GAREM1: variants seen among roughly 807,000 people sequenced by gnomAD.
GAREM1 encodes GRB2 associated regulator of MAPK1 subtype 1, also known as GRB2-associated and regulator of MAPK protein 1.
GAREM1 carries 26 observed loss-of-function variants against 71.3 expected under a neutral mutation model. The ratio of observed to expected loss-of-function variants is 0.36; its 90% CI spans 0.27 to 0.51. GAREM1 has a LOEUF of 0.51. Among genes scored for constraint, GAREM1 ranks in the 20% least tolerant of loss-of-function variants. The pLI is 0.95. For missense variants in GAREM1, 1,026 were observed against 1,103.1 expected (o/e 0.93, Z 0.99); for synonymous variants, 440 against 433.2 (o/e 1.02, Z -0.20).
chr18:32,337,218 C>A (rs2047604886), intron 2 of GAREM1, among the ~76,000 whole-genome samples: 1 of 152,108 alleles, frequency 6.6e-6, no homozygotes, highest in African/African-American at 2.4e-5. Context: ...GGTTATGGCT[C>A]CAGAAGGTTT....
intron 2 of GAREM1, among the ~76,000 whole-genome samples, chr18:32,383,316 T>C (rs531767217): frequency 5.3e-5 from 8 of 152,258 alleles, no homozygotes; most frequent in Non-Finnish European, 8.8e-5. Context: ...ACTACAGAAA[T>C]GGGTCAGGGT....
At chr18:32,382,220 G>T (rs185381573) in intron 2 of GAREM1, among the ~76,000 whole-genome samples, 2 of 152,304 alleles carry the variant, frequency 1.3e-5, no homozygotes, top group South Asian at 2.1e-4. Flanking sequence ...GTGGTGGGAA[G>T]AGTGACAGCA....
In GAREM1 at chr18:32,429,579, A is replaced by G. The variant is rs2048604647; in HGVS notation, c.122-36544T>C. 1.3e-5 allele frequency among the ~76,000 whole-genome samples: 2 copies of G among 152,358 alleles called. 1 individual carries two copies. Among genetic ancestry groups the G allele is most frequent in the African/African-American group, 4.8e-5 (2 of 41,582 alleles). The stretch of plus-strand genomic sequence containing the variant: ...TGCTACCACGATATTTTTGAACTCC[A>G]CAACACAGTACTTCAAATACTAAAA... On this transcript the variant is annotated intron_variant, in intron 1 of 5. Transcript: ENST00000269209.
intron 2 of GAREM1, among the ~76,000 whole-genome samples, chr18:32,376,787 G>A (rs1340916536): frequency 2.0e-5 from 3 of 152,158 alleles, no homozygotes; most frequent in Non-Finnish European, 2.9e-5. Flanking sequence ...GCAATGAGCC[G>A]AGATTGCACC....
intron 1 of GAREM1, among the ~76,000 whole-genome samples, chr18:32,467,618 A>AT (rs1270016519): frequency 6.6e-6 from 1 of 152,200 alleles, no homozygotes; most frequent in Non-Finnish European, 1.5e-5. Context: ...GTGAAATTAG[A>AT]TTTTTTAATG....
intron 1 of GAREM1, among the ~76,000 whole-genome samples, chr18:32,401,322 T>C (rs903250053): frequency 6.6e-6 from 1 of 150,938 alleles, no homozygotes; most frequent in Non-Finnish European, 1.5e-5. Context: ...ACTTAAAGTA[T>C]AAAAATAAAA....
chr18:32,404,792 T>C (rs1037573910), intron 1 of GAREM1, among the ~76,000 whole-genome samples: 1 of 152,246 alleles, frequency 6.6e-6, no homozygotes, highest in Non-Finnish European at 1.5e-5. Context: ...GCCTTGTCTA[T>C]AGTGGACATT....
chr18:32,397,191 C>A, intron 1 of GAREM1, among the ~76,000 whole-genome samples: 1 of 152,156 alleles, frequency 6.6e-6, no homozygotes. Context: ...CCAGCCACTG[C>A]AAAAACATGC....
intron 1 of GAREM1, among the ~76,000 whole-genome samples, chr18:32,457,928 T>C (rs2048912734): frequency 6.6e-6 from 1 of 152,082 alleles, no homozygotes; most frequent in African/African-American, 2.4e-5. Context: ...TTCTTAGTCA[T>C]TACAGTGAAG....
intron 1 of GAREM1, among the ~76,000 whole-genome samples, chr18:32,416,503 T>A (rs756922967): frequency 6.6e-6 from 1 of 152,110 alleles, no homozygotes; most frequent in African/African-American, 2.4e-5. Flanking sequence ...CAAAACAGCA[T>A]GGTACTGGCA....
chr18:32,298,835 G>A (rs2047169287), intron 3 of GAREM1, among the ~76,000 whole-genome samples: 1 of 152,112 alleles, frequency 6.6e-6, no homozygotes, highest in Non-Finnish European at 1.5e-5. Flanking sequence ...ATTATGTTAT[G>A]TCTTCCCAAA....
At chr18:32,369,766 C>A (rs2047959167) in intron 2 of GAREM1, among the ~76,000 whole-genome samples, 1 of 152,182 alleles carries the variant, frequency 6.6e-6, no homozygotes, top group Middle Eastern at 3.2e-3. Flanking sequence ...TACCCTTAGG[C>A]TTCTTAGCAT....
chr18:32,391,190 C>T (rs1235377162), intron 2 of GAREM1, among the ~76,000 whole-genome samples: 1 of 152,184 alleles, frequency 6.6e-6, no homozygotes, highest in Non-Finnish European at 1.5e-5. Context: ...AGGGAGGTAA[C>T]TCCAGCTAGC....
intron 2 of GAREM1, among the ~76,000 whole-genome samples, chr18:32,335,953 T>C (rs996802537): frequency 6.6e-6 from 1 of 152,190 alleles, no homozygotes; most frequent in Non-Finnish European, 1.5e-5. Context: ...CGGAGTGCAC[T>C]GTAAGCAGCG....
At chr18:32,383,861 A>T (rs1487851494) in intron 2 of GAREM1, among the ~76,000 whole-genome samples, 1 of 152,082 alleles carries the variant, frequency 6.6e-6, no homozygotes, top group Admixed American at 6.6e-5. Context: ...AGATTCAGTA[A>T]ATAATTTGCA....
intron 1 of GAREM1, among the ~76,000 whole-genome samples, chr18:32,432,970 C>T (rs1373291102): frequency 6.6e-6 from 1 of 151,906 alleles, no homozygotes; most frequent in East Asian, 1.9e-4. Flanking sequence ...GTTACCAAAA[C>T]CAGACAAAAA....
chr18:32,311,189 A>G (rs561039615), intron 2 of GAREM1, among the ~76,000 whole-genome samples: 55 of 152,338 alleles, frequency 3.6e-4, no homozygotes, highest in Middle Eastern at 6.8e-3. Context: ...TCAGTTTGGA[A>G]TAAAAGACCA....
At chr18:32,295,767 T>C (rs945732831) in intron 3 of GAREM1, among the ~76,000 whole-genome samples, 12 of 152,150 alleles carry the variant, frequency 7.9e-5, no homozygotes, top group Non-Finnish European at 1.8e-4. Context: ...GACAGCACAA[T>C]ATTGTTTTAA....
chr18:32,396,697 G>T (rs1460974903), intron 1 of GAREM1, among the ~76,000 whole-genome samples: 1 of 152,228 alleles, frequency 6.6e-6, no homozygotes, highest in Non-Finnish European at 1.5e-5. Flanking sequence ...ACCTGAAAGT[G>T]ACAGGGAGAA....
Sources: gnomAD v4.1 joint callset for allele counts (sites outside exome capture counted in the v4.1 genomes callset) on GRCh38, gnomAD v4.1.1 for gene constraint, MANE v1.5 for transcripts, NCBI Gene and HGNC (gene_info 2026-07-23, HGNC 2026-07-21) for gene names.